Variants in MACROD2 observed in about 807,000 individuals in gnomAD.
MACROD2 encodes ADP-ribose glycohydrolase MACROD2.
MACROD2 carries 36 observed loss-of-function variants against 70.4 expected under a neutral mutation model. The ratio of observed to expected loss-of-function variants is 0.51; its 90% CI spans 0.39 to 0.68. The LOEUF is 0.68. Ranked by LOEUF, MACROD2 falls within the 30% of genes least tolerant of loss-of-function variation. MACROD2 has a pLI of 0.00. For synonymous variants in MACROD2, 172 were observed against 178.8 expected (o/e 0.96, Z 0.30); for missense variants, 496 against 538.4 (o/e 0.92, Z 0.78).
chr20:15,452,896 T>G (rs774852135), intron 7 of MACROD2, among the ~76,000 whole-genome samples: 13 of 152,218 alleles, frequency 8.5e-5, no homozygotes, highest in Non-Finnish European at 1.8e-4. Context: ...AAAGCCACAT[T>G]TAAAACATTT....
chr20:14,230,669 C>CCATATATATATATATATATATATATA lies in MACROD2; in HGVS notation c.271+144941_271+144942insCATATATATATATATATATATATATA, dbSNP rs1388842581. ...TATATATATATAACACAGGCTGGGCCTATATATATATATATATATATATAT... is the reference window on the plus strand; with the variant it reads ...TATATATATATAACACAGGCTGGGCCCATATATATATATATATATATATATATATATATATATATATATATATATAT... On this transcript the variant is annotated intron_variant, in intron 3 of 17. Transcript: ENST00000684519. 5.6e-4 allele frequency among the ~76,000 whole-genome samples: 52 copies of CCATATATATATATATATATATATATA among 92,892 alleles called. 1 individual carries two copies. The highest frequency in any genetic ancestry group is 8.7e-4 in the Admixed American group (7 of 8,092). The allele number at this position is 92,892 out of a possible 152,430, so 60.9% of individuals were successfully genotyped here. A position where few individuals can be genotyped will look rare whatever the true frequency, so the allele number is the denominator to read the frequency against.
chr20:15,215,252 T>TTGTGTGTG lies in MACROD2; in HGVS notation c.419-14650_419-14643dup, dbSNP rs376439581. 7.7e-3 allele frequency among the ~76,000 whole-genome samples: 1,038 copies of TTGTGTGTG among 135,532 alleles called. 14 individuals carry two copies. The highest frequency in any genetic ancestry group is 0.022 in the African/African-American group (788 of 35,462). The allele number at this position is 135,532 out of a possible 152,430, so 88.9% of individuals were successfully genotyped here. On this transcript the variant is annotated intron_variant, in intron 5 of 17. Transcript: ENST00000684519. ...TTTTTTCTCCTTTTTCTCCTGTATTTTGTGTGTGTGTGTGTGTGTGTGTGT... is the reference window on the plus strand; with the variant it reads ...TTTTTTCTCCTTTTTCTCCTGTATTTTGTGTGTGTGTGTGTGTGTGTGTGTGTGTGTGT...
intron 3 of MACROD2, among the ~76,000 whole-genome samples, chr20:14,285,748 A>C (rs1462479170): frequency 1.3e-5 from 2 of 152,034 alleles, no homozygotes; most frequent in Non-Finnish European, 2.9e-5. Context: ...TAGAATATGC[A>C]CTGGAGTGGT....
intron 5 of MACROD2, among the ~76,000 whole-genome samples, chr20:14,838,821 C>T (rs1027804720): frequency 2.6e-5 from 4 of 152,000 alleles, no homozygotes; most frequent in African/African-American, 4.8e-5. Flanking sequence ...AAAGGGATGG[C>T]GTAGATTAAA....
intron 5 of MACROD2, among the ~76,000 whole-genome samples, chr20:14,962,049 C>T (rs930802315): frequency 5.6e-4 from 85 of 152,262 alleles, no homozygotes; most frequent in African/African-American, 1.9e-3. Flanking sequence ...ACCATCTGGG[C>T]TCACTGCAAC....
chr20:14,214,568 AAGTTATCC>A lies in MACROD2; in HGVS notation c.271+128843_271+128850del, dbSNP rs2081598595. Among the ~76,000 whole-genome samples the A allele has an allele frequency of 2.0e-5, 3 of 150,914 alleles. No homozygotes were observed. In the South Asian group the frequency reaches 6.3e-4, roughly 32 times the overall value. On this transcript the variant is annotated intron_variant, in intron 3 of 17. Coordinates refer to ENST00000684519, the MANE Select transcript of MACROD2 (RefSeq NM_001351661.2). ...ATAATTTTAACTGTTTCTACCTGAG[AAGTTATCC>A]AGCAATGTTCTTTTTTTTTTTTTTT...
intron 7 of MACROD2, among the ~76,000 whole-genome samples, chr20:15,476,574 C>A (rs992304487): frequency 1.3e-5 from 2 of 151,916 alleles, no homozygotes; most frequent in South Asian, 2.1e-4. Flanking sequence ...TGTTTTGCCC[C>A]CCCCCGGTAA....
At position 15,849,910 on chromosome 20, in the gene MACROD2, G is replaced by C. The variant is rs552675564; in HGVS notation, c.646-12835G>C. On this transcript the variant is annotated intron_variant, in intron 8 of 17. Transcript: ENST00000684519. ...AGACTAGATGGCGAGGAAGAAGTTTGAGTCAAGAGACCTATTCTTGGCACT... is the reference window on the plus strand; with the variant it reads ...AGACTAGATGGCGAGGAAGAAGTTTCAGTCAAGAGACCTATTCTTGGCACT... Among the ~76,000 whole-genome samples, 5 of 152,172 alleles carry C rather than the reference G, an allele frequency of 3.3e-5. No homozygotes were observed. The East Asian group carries it at 5.8e-4, about 18-fold the overall frequency.
At chr20:15,039,698 AG>A (rs982833712) in intron 5 of MACROD2, among the ~76,000 whole-genome samples, 15 of 152,162 alleles carry the variant, frequency 9.9e-5, no homozygotes, top group African/African-American at 3.6e-4. Flanking sequence ...GGAAGAAGAG[AG>A]GGAAGCATTA....
intron 5 of MACROD2, among the ~76,000 whole-genome samples, chr20:14,763,961 C>T (rs2072051051): frequency 6.6e-6 from 1 of 152,096 alleles, no homozygotes; most frequent in Non-Finnish European, 1.5e-5. Context: ...TATATACTTT[C>T]CCCTTGGGCT....
intron 3 of MACROD2, among the ~76,000 whole-genome samples, chr20:14,250,902 A>T (rs2082007081): frequency 6.6e-6 from 1 of 152,158 alleles, no homozygotes; most frequent in African/African-American, 2.4e-5. Context: ...ATTGCTATTT[A>T]AAGATTTTTT....
intron 5 of MACROD2, among the ~76,000 whole-genome samples, chr20:15,107,044 A>T: frequency 1.2e-5 from 1 of 86,674 alleles, no homozygotes; most frequent in African/African-American, 6.4e-5. Context: ...CTTTATGTAT[A>T]TAGATTGTTC....
intron 3 of MACROD2, among the ~76,000 whole-genome samples, chr20:14,486,919 AT>A (rs937419976): frequency 3.9e-5 from 6 of 151,932 alleles, no homozygotes; most frequent in Admixed American, 2.6e-4. Context: ...GGCTTACATA[AT>A]TATTTTTTAA....
intron 8 of MACROD2, among the ~76,000 whole-genome samples, chr20:15,591,552 C>T (rs1193224439): frequency 4.4e-5 from 5 of 113,882 alleles, no homozygotes; most frequent in East Asian, 5.9e-4. Flanking sequence ...AGCCAACTTA[C>T]GGTTTAACTC....
chr20:14,179,906 A>T (rs760818983), intron 3 of MACROD2, among the ~76,000 whole-genome samples: 3 of 152,168 alleles, frequency 2.0e-5, no homozygotes, highest in South Asian at 4.1e-4. Flanking sequence ...TTTACATTTT[A>T]AAAAATTGTA....
chr20:15,389,748 G>T lies in MACROD2; in HGVS notation c.541-41657G>T, dbSNP rs114005957. ...ATTGATGATAAGGTATTAAGAATGT[G>T]CTCAGTTCTCTTCTTGGCCCCAAGG... On this transcript the variant is annotated intron_variant, in intron 6 of 17. Coordinates refer to ENST00000684519, the MANE Select transcript of MACROD2 (RefSeq NM_001351661.2). Among the ~76,000 whole-genome samples, 674 of 152,256 alleles carry T rather than the reference G, an allele frequency of 4.4e-3. 4 individuals carry two copies. Among genetic ancestry groups the T allele is most frequent in the African/African-American group, 0.014 (597 of 41,554 alleles).
At chr20:15,761,790 A>T (rs2051440401) in intron 8 of MACROD2, among the ~76,000 whole-genome samples, 2 of 152,226 alleles carry the variant, frequency 1.3e-5, no homozygotes, top group Non-Finnish European at 2.9e-5. Context: ...TTTCCAAATG[A>T]TTTCAAAAGA....
intron 3 of MACROD2, among the ~76,000 whole-genome samples, chr20:14,289,160 A>G (rs2082366549): frequency 6.6e-6 from 1 of 152,322 alleles, no homozygotes; most frequent in Non-Finnish European, 1.5e-5. Context: ...GACTCTATTC[A>G]GTACAGATCT....
intron 10 of MACROD2, among the ~76,000 whole-genome samples, chr20:15,931,936 T>A (rs935871536): frequency 6.6e-6 from 1 of 152,118 alleles, no homozygotes; most frequent in African/African-American, 2.4e-5. Flanking sequence ...ACTAGTGGCC[T>A]CCTCTTGGGA....
Sources: gnomAD v4.1 joint callset for allele counts (sites outside exome capture counted in the v4.1 genomes callset) on GRCh38, gnomAD v4.1.1 for gene constraint, MANE v1.5 for transcripts, NCBI Gene and HGNC (gene_info 2026-07-23, HGNC 2026-07-21) for gene names.